The following ACSL1 variants were observed in gnomAD, a reference collection of about 807,000 sequenced individuals.
ACSL1 encodes the protein long-chain-fatty-acid--CoA ligase 1.
In ACSL1, 41 loss-of-function variants were observed where a neutral mutation model predicts 98.4. The ratio of observed to expected loss-of-function variants is 0.42; its 90% CI spans 0.32 to 0.54. The LOEUF is 0.54. ACSL1 is among the 20% of genes least tolerant of loss of function. The pLI is 0.13. For synonymous variants in ACSL1, 316 were observed against 322.7 expected (o/e 0.98, Z 0.22); for missense variants, 734 against 883.1 (o/e 0.83, Z 2.14).
chr4:184,769,771 T>C (rs998937496), intron 11 of ACSL1, among the ~76,000 whole-genome samples: 1 of 152,222 alleles, frequency 6.6e-6, no homozygotes, highest in Non-Finnish European at 1.5e-5. Context: ...ATGGTGCTCA[T>C]TGTTTTTTCC....
intron 1 of ACSL1, among the ~76,000 whole-genome samples, chr4:184,816,802 TG>T (rs1320635925): frequency 4.6e-5 from 7 of 152,044 alleles, no homozygotes; most frequent in Non-Finnish European, 1.0e-4. Flanking sequence ...TTCTACCGCG[TG>T]GGGGTATCAT....
At chr4:184,765,315 T>C (rs1763424125) in intron 14 of ACSL1, among the ~76,000 whole-genome samples, 1 of 152,176 alleles carries the variant, frequency 6.6e-6, no homozygotes. Context: ...CTGTGACCCA[T>C]TCCACAGCTG....
At chr4:184,810,025 A>G (rs2150472977) in intron 1 of ACSL1, among the ~76,000 whole-genome samples, 1 of 152,302 alleles carries the variant, frequency 6.6e-6, no homozygotes, top group Middle Eastern at 3.4e-3. Flanking sequence ...AATTCTCCCA[A>G]GTCACAAGAA....
At chr4:184,777,207 C>T (rs1765426335) in intron 5 of ACSL1, among the ~76,000 whole-genome samples, 1 of 152,246 alleles carries the variant, frequency 6.6e-6, no homozygotes, top group Non-Finnish European at 1.5e-5. Flanking sequence ...CTGACTCACA[C>T]CAGTGATCCC....
chr4:184,821,171 G>A (rs1237085812), intron 1 of ACSL1: 6 of 452,410 alleles, frequency 1.3e-5, no homozygotes, highest in South Asian at 6.2e-5. Flanking sequence ...GCCTGGCCGT[G>A]TCCAGGCTGT....
chr4:184,792,947 A>G (rs73012224), intron 2 of ACSL1, among the ~76,000 whole-genome samples: 1 of 152,276 alleles, frequency 6.6e-6, no homozygotes, highest in African/African-American at 2.4e-5. Context: ...CCACGTAGCT[A>G]TTTCTAGGGA....
upstream of ACSL1, chr4:184,826,178 G>C (rs1413928424): frequency 6.7e-6 from 1 of 149,086 alleles, no homozygotes; most frequent in Non-Finnish European, 1.5e-5. Flanking sequence ...CTCCTGTCTG[G>C]GCGCGCGTGG....
At chr4:184,797,951 G>C (rs1769734757) in intron 2 of ACSL1, among the ~76,000 whole-genome samples, 1 of 152,194 alleles carries the variant, frequency 6.6e-6, no homozygotes, top group African/African-American at 2.4e-5. Flanking sequence ...TGAAGCATAG[G>C]ATTAAAATGC....
At chr4:184,768,472 C>A in intron 11 of ACSL1, 22 bp from the exon 12 acceptor site, 1 of 1,597,712 alleles carries the variant, frequency 6.3e-7, no homozygotes, top group South Asian at 1.1e-5. Flanking sequence ...ATGGAAAAAA[C>A]AAACATTTTA....
At chr4:184,769,177 C>T (rs72695629) in intron 11 of ACSL1, among the ~76,000 whole-genome samples, 19,900 of 151,964 alleles carry the variant, frequency 0.13, 1,558 homozygotes, top group Non-Finnish European at 0.17. Context: ...GTTAAAGTCT[C>T]ACTTTCTTTT....
At chr4:184,815,674 C>T (rs1772565388) in intron 1 of ACSL1, among the ~76,000 whole-genome samples, 1 of 152,082 alleles carries the variant, frequency 6.6e-6, no homozygotes, top group South Asian at 2.1e-4. Flanking sequence ...GACTGATAAC[C>T]ACAGAAATGG....
At chr4:184,791,886 G>A (rs906720266) in intron 2 of ACSL1, among the ~76,000 whole-genome samples, 7 of 152,160 alleles carry the variant, frequency 4.6e-5, no homozygotes, top group Admixed American at 3.9e-4. Flanking sequence ...GGTACTGGGG[G>A]TAGGCTTCAG....
chr4:184,780,578 T>C, intron 4 of ACSL1, 145 bp from the exon 5 acceptor site: 2 of 567,564 alleles, frequency 3.5e-6, no homozygotes, highest in Non-Finnish European at 6.2e-6. Context: ...CCTTTATTGA[T>C]AGATTTTTTG....
At chr4:184,796,569 G>A (rs1313605957) in intron 2 of ACSL1, among the ~76,000 whole-genome samples, 2 of 152,166 alleles carry the variant, frequency 1.3e-5, no homozygotes, top group Admixed American at 6.5e-5. Flanking sequence ...TCAAGACCAT[G>A]GAATAACAGG....
chr4:184,820,725 C>T (rs2150502585), intron 1 of ACSL1, among the ~76,000 whole-genome samples: 1 of 152,320 alleles, frequency 6.6e-6, no homozygotes, highest in African/African-American at 2.4e-5. Flanking sequence ...CTGCCTCAAC[C>T]TCCCGAGCAG....
chr4:184,770,302 G>C (rs1764295734), intron 11 of ACSL1, 97 bp downstream of exon 11: 1 of 1,561,332 alleles, frequency 6.4e-7, no homozygotes, highest in South Asian at 1.2e-5. Context: ...TATGAAATGT[G>C]TGTGTCACTG....
In ACSL1 at chr4:184,803,638, T is replaced by A; in HGVS notation, c.-32-92A>T. The A allele has an allele frequency of 1.2e-6, 1 of 848,622 alleles. No individual in the cohort carries two copies. The highest frequency in any genetic ancestry group is 1.6e-6 in the Non-Finnish European group (1 of 609,156). 52.6% of individuals were successfully genotyped at this position (848,622 alleles called of 1,614,324 possible). A position where few individuals can be genotyped will look rare whatever the true frequency, so the allele number is the denominator to read the frequency against. ...TCCACCGGCCAGCCATCTAATTGGG[T>A]AGCTGCTCGGCCAGTCCAGGCATTA... On this transcript the variant is annotated intron_variant, in intron 1 of 20. Coordinates refer to ENST00000281455, the MANE Select transcript of ACSL1 (RefSeq NM_001995.5). This position sits in a 1 kb window ranked among gnomAD's most constrained non-coding sequence, Gnocchi z 4.8.
In ACSL1 at chr4:184,825,772, C is replaced by T. The variant is rs1773433531; in HGVS notation, c.-33+144G>A. 1.3e-5 allele frequency: 2 copies of T among 149,716 alleles called. No homozygotes were observed. The highest frequency in any genetic ancestry group is 1.9e-4 in the East Asian group (1 of 5,160). 9.3% of individuals were successfully genotyped at this position (149,716 alleles called of 1,614,324 possible). On this transcript the variant is annotated intron_variant, in intron 1 of 20. Coordinates refer to ENST00000281455, the MANE Select transcript of ACSL1 (RefSeq NM_001995.5). This position sits in a 1 kb window ranked among gnomAD's most constrained non-coding sequence, Gnocchi z 4.7. ...AGGAGGCCGGAAAGGCGGCGCGGCC[C>T]CACGAGCCTGGGGTGGCTCACGCGC...
At chr4:184,762,289 G>T in intron 17 of ACSL1, 118 bp downstream of exon 17, 1 of 830,110 alleles carries the variant, frequency 1.2e-6, no homozygotes, top group Non-Finnish European at 2.1e-6. Context: ...TCACCAAGGA[G>T]GAAGGGAAAG....
Sources: gnomAD v4.1 joint callset for allele counts (sites outside exome capture counted in the v4.1 genomes callset) on GRCh38, gnomAD v4.1.1 for gene constraint, Gnocchi (gnomAD v3.1) non-coding constraint, MANE v1.5 for transcripts, NCBI Gene and HGNC (gene_info 2026-07-23, HGNC 2026-07-21) for gene names.